COA4: variants seen among roughly 807,000 people sequenced by gnomAD.
COA4 encodes the protein cytochrome c oxidase assembly factor 4 homolog, also known as cytochrome c oxidase assembly factor 4 homolog, mitochondrial.
COA4 carries 8 observed loss-of-function variants against 7.3 expected under a neutral mutation model. The observed-to-expected ratio is 1.10, with a 90% CI of 0.64 to 1.98. COA4 has a LOEUF of 1.98. COA4 is among the 30% of genes most tolerant of loss of function. The probability of loss-of-function intolerance (pLI) is 0.00; values close to 1 mark genes in which losing one functional copy is unlikely to be tolerated. For missense variants in COA4, 96 were observed against 111.2 expected, an observed-to-expected ratio of 0.86 and a Z score of 0.62; for synonymous variants, 42 against 44.3, an observed-to-expected ratio of 0.95 and a Z score of 0.21.
chr11:73,874,119 A>G (rs1362032242), intron 1 of COA4, among the ~76,000 whole-genome samples: 1 of 151,936 alleles, frequency 6.6e-6, no homozygotes, highest in Non-Finnish European at 1.5e-5. Context: ...ATTTGAGACC[A>G]GCAGGGGTAA....
At chr11:73,875,039 G>C (rs549688369) in intron 1 of COA4, among the ~76,000 whole-genome samples, 30 of 152,186 alleles carry the variant, frequency 2.0e-4, no homozygotes, top group Non-Finnish European at 3.4e-4. Context: ...GGTAGGTTTT[G>C]ACACATGGGA....
At chr11:73,876,585 G>C (rs980047453) in intron 1 of COA4, 172 bp downstream of exon 1, 8 of 154,680 alleles carry the variant, frequency 5.2e-5, no homozygotes, top group African/African-American at 1.7e-4. Flanking sequence ...CCTAAACAAG[G>C]AAGTCATGGA....
In COA4 at chr11:73,876,822, T is replaced by A. The variant is rs534910737; in HGVS notation, c.-82A>T. ...GCGGCGGCTTGGGTTTCGCAGGCGGTTGGGGATCCTCTGTACATCCTTTCA... is the reference window on the plus strand; with the variant it reads ...GCGGCGGCTTGGGTTTCGCAGGCGGATGGGGATCCTCTGTACATCCTTTCA... On this transcript the variant is annotated 5_prime_UTR_variant, in exon 1 of 2. Transcript: ENST00000355693. The A allele has an allele frequency of 2.2e-5, 10 of 457,052 alleles. No individual in the cohort carries two copies. Among genetic ancestry groups the A allele is most frequent in the Non-Finnish European group, 1.1e-5 (3 of 276,232 alleles). The allele number at this position is 457,052 out of a possible 1,614,324, so 28.3% of individuals were successfully genotyped here.
chr11:73,874,949 T>G (rs1948724804), intron 1 of COA4, among the ~76,000 whole-genome samples: 1 of 152,186 alleles, frequency 6.6e-6, no homozygotes, highest in Non-Finnish European at 1.5e-5. Flanking sequence ...ATCGTGCCAC[T>G]GCACTCCAGC....
At chr11:73,873,469 T>C (rs1382626129) in intron 1 of COA4, 75 bp from the exon 2 acceptor site, 6 of 1,342,084 alleles carry the variant, frequency 4.5e-6, no homozygotes, top group Non-Finnish European at 6.2e-6. Context: ...CTGACCAGAC[T>C]GCACCATTTA....
chr11:73,872,848 G>T lies in COA4; in HGVS notation c.*267C>A. Reference sequence around the variant, plus strand: ...ACTTGGCACACTGACTTAAGATGTGGGGTGGGGGAGCATCCCTTAACACAT... The same window carrying T: ...ACTTGGCACACTGACTTAAGATGTGTGGTGGGGGAGCATCCCTTAACACAT... On this transcript the variant is annotated 3_prime_UTR_variant, in exon 2 of 2. Coordinates refer to ENST00000355693, the MANE Select transcript of COA4 (RefSeq NM_016565.3). The T allele has an allele frequency of 2.2e-6, 1 of 450,414 alleles. No individual in the cohort carries two copies. Among genetic ancestry groups the T allele is most frequent in the Non-Finnish European group, 3.9e-6 (1 of 254,246 alleles). 27.9% of individuals were successfully genotyped at this position (450,414 alleles called of 1,614,324 possible).
In COA4 at chr11:73,873,244, C is replaced by T. The variant is rs757080687; in HGVS notation, c.135G>A (p.Met45Ile). 1 of 1,614,092 alleles carries T rather than the reference C, an allele frequency of 6.2e-7. No individual in the cohort carries two copies. The highest frequency in any genetic ancestry group is 1.3e-5 in the African/African-American group (1 of 74,934). ...ATTGCCGCCAGTCCTGGTGCTGGGC[C>T]ATGCACTCCTGCACTGCAAAGTGGG... Reference protein sequence around the residue: ...AASHFAVQECMAQHQDWRQCQ... With the variant: ...AASHFAVQECIAQHQDWRQCQ... The change falls in exon 2 of 2, where the codon ATG becomes ATA. Residue 45 changes from methionine to isoleucine, a missense_variant. Met to Ile is a conservative substitution (Grantham distance 10). Coordinates refer to ENST00000355693, the MANE Select transcript of COA4 (RefSeq NM_016565.3).
chr11:73,875,919 G>A (rs1189061056), intron 1 of COA4: 1 of 152,194 alleles, frequency 6.6e-6, no homozygotes, highest in East Asian at 1.9e-4. Flanking sequence ...ACCTAGCTTT[G>A]TCACTGCCTC....
chr11:73,874,798 C>T (rs892211769), intron 1 of COA4, among the ~76,000 whole-genome samples: 6 of 152,068 alleles, frequency 3.9e-5, no homozygotes, highest in African/African-American at 9.7e-5. Flanking sequence ...CCAGCCTGGC[C>T]GGGATGATGA....
chr11:73,873,370 G>A lies in COA4; in HGVS notation c.9C>T (p.Thr3=), dbSNP rs1948709530. 6.2e-7 allele frequency: 1 copy of A among 1,614,006 alleles called. No individual in the cohort carries two copies. The change falls in exon 2 of 2, where the codon ACC becomes ACT. Residue 3 remains threonine (T), a synonymous_variant. Transcript: ENST00000355693. MS[T]SVPQGHTWTQ... is the part of the protein sequence containing the mutation. ...TCCAGGTATGGCCTTGAGGGACTGA[G>A]GTTGACATCCTGGGGATGGGGAGTC...
intron 1 of COA4, chr11:73,873,708 A>G (rs1027742558): frequency 6.8e-5 from 24 of 351,434 alleles, no homozygotes; most frequent in Non-Finnish European, 1.0e-4. Context: ...TAATAGAGAC[A>G]AGGTTTTTCC....
chr11:73,873,225 G>T lies in COA4; in HGVS notation c.154C>A (p.Arg52=), dbSNP rs753846634. The change falls in exon 2 of 2, where the codon CGG becomes AGG. Residue 52 remains arginine (R), a synonymous_variant. Coordinates refer to ENST00000355693, the MANE Select transcript of COA4 (RefSeq NM_016565.3). ...GCCTGCACCTGTGGCTGGCATTGCCGCCAGTCCTGGTGCTGGGCCATGCAC... is the reference window on the plus strand; with the variant it reads ...GCCTGCACCTGTGGCTGGCATTGCCTCCAGTCCTGGTGCTGGGCCATGCAC... ...QECMAQHQDW[R]QCQPQVQAFK... 6.2e-7 allele frequency: 1 copy of T among 1,614,066 alleles called. No homozygotes were observed. The highest frequency in any genetic ancestry group is 8.5e-7 in the Non-Finnish European group (1 of 1,180,044).
At chr11:73,874,410 T>C (rs1395623701) in intron 1 of COA4, 1 of 151,604 alleles carries the variant, frequency 6.6e-6, no homozygotes, top group Non-Finnish European at 1.5e-5. Flanking sequence ...ATCACACCAT[T>C]GCACTCCAGC....
At chr11:73,874,233 A>C (rs1294095471) in intron 1 of COA4, among the ~76,000 whole-genome samples, 1 of 152,178 alleles carries the variant, frequency 6.6e-6, no homozygotes, top group Admixed American at 6.5e-5. Flanking sequence ...GGATCACCTG[A>C]GGTCGGGAGA....
intron 1 of COA4, chr11:73,873,667 C>T (rs1192104505): frequency 2.2e-6 from 1 of 462,964 alleles, no homozygotes; most frequent in Non-Finnish European, 3.8e-6. Context: ...TACAGGTGTG[C>T]ATCACCACTC....
At chr11:73,874,933 C>T (rs1948724533) in intron 1 of COA4, among the ~76,000 whole-genome samples, 1 of 151,648 alleles carries the variant, frequency 6.6e-6, no homozygotes, top group Non-Finnish European at 1.5e-5. Context: ...TTGTAGTGAG[C>T]CAAAGATCGT....
intron 1 of COA4, among the ~76,000 whole-genome samples, chr11:73,874,835 A>G (rs2135107343): frequency 6.6e-6 from 1 of 152,132 alleles, no homozygotes; most frequent in African/African-American, 2.4e-5. Flanking sequence ...AAAATACAAA[A>G]ATTAGGCGGG....
rs141027407 is a variant in COA4 at position 73,873,152 on chromosome 11, A to G, written c.227T>C (p.Leu76Pro). ...SEQQARRQEE[L>P]QRRQEQAGAH... ...ACCGGCTTGTTCTTGCCTCCTCTGCAGCTCCTCTTGCCGCCTCGCCTGCTG... is the reference window on the plus strand; with the variant it reads ...ACCGGCTTGTTCTTGCCTCCTCTGCGGCTCCTCTTGCCGCCTCGCCTGCTG... The change falls in exon 2 of 2, where the codon CTG becomes CCG. Residue 76 changes from leucine to proline, a missense_variant. Transcript: ENST00000355693. 107 of 1,613,202 alleles carry G rather than the reference A, an allele frequency of 6.6e-5. No homozygotes were observed. Among genetic ancestry groups the G allele is most frequent in the Non-Finnish European group, 8.9e-5 (105 of 1,179,346 alleles).
intron 1 of COA4, among the ~76,000 whole-genome samples, chr11:73,875,287 G>GC (rs1253506322): frequency 6.6e-6 from 1 of 152,196 alleles, no homozygotes; most frequent in Non-Finnish European, 1.5e-5. Flanking sequence ...GGGCTGTAAA[G>GC]CAACTAGGAC....
Sources: allele counts gnomAD v4.1 joint callset (sites outside exome capture counted in the v4.1 genomes callset), GRCh38; gene constraint gnomAD v4.1.1; transcripts MANE v1.5; gene names NCBI Gene and HGNC (gene_info 2026-07-23, HGNC 2026-07-21).